CAMKMT: variants seen among roughly 807,000 people sequenced by gnomAD.
CAMKMT encodes the protein CaM KMT.
CAMKMT carries 53 observed loss-of-function variants against 48.0 expected under a neutral mutation model. The observed-to-expected ratio is 1.10, with a 90% CI of 0.89 to 1.39. CAMKMT has a LOEUF of 1.39. Ranked by LOEUF, CAMKMT falls within the 40% of genes most tolerant of loss-of-function variation. CAMKMT has a pLI of 0.00. For synonymous variants in CAMKMT, 165 were observed against 152.3 expected (o/e 1.08, Z -0.61); for missense variants, 428 against 402.7 (o/e 1.06, Z -0.54).
At chr2:44,691,596 C>T (rs549393887) in intron 3 of CAMKMT, among the ~76,000 whole-genome samples, 4 of 152,300 alleles carry the variant, frequency 2.6e-5, no homozygotes, top group African/African-American at 9.6e-5. Flanking sequence ...CTTCCACATG[C>T]TCCTTATCTG....
At chr2:44,363,713 A>G (rs1372531490) in intron 1 of CAMKMT, among the ~76,000 whole-genome samples, 1 of 138,816 alleles carries the variant, frequency 7.2e-6, no homozygotes, top group African/African-American at 2.7e-5. Context: ...TTTTCGATAC[A>G]GAGCCTTACT....
intron 3 of CAMKMT, among the ~76,000 whole-genome samples, chr2:44,476,307 G>A (rs1413532217): frequency 2.0e-5 from 3 of 151,976 alleles, no homozygotes; most frequent in Non-Finnish European, 2.9e-5. Flanking sequence ...TTTCTTAAAG[G>A]TAAAGATTAT....
At chr2:44,637,414 AT>A (rs1673194541) in intron 3 of CAMKMT, among the ~76,000 whole-genome samples, 1 of 152,070 alleles carries the variant, frequency 6.6e-6, no homozygotes, top group African/African-American at 2.4e-5. Flanking sequence ...TAGTTTTTTT[AT>A]TATCCATTTT....
At chr2:44,545,617 G>C (rs759582505) in intron 3 of CAMKMT, among the ~76,000 whole-genome samples, 29 of 150,418 alleles carry the variant, frequency 1.9e-4, no homozygotes, top group Non-Finnish European at 7.4e-5. Flanking sequence ...ACTTGTCTAT[G>C]GTCACAAGAT....
At chr2:44,406,273 T>G (rs558811508) in intron 3 of CAMKMT, among the ~76,000 whole-genome samples, 7 of 152,298 alleles carry the variant, frequency 4.6e-5, no homozygotes, top group African/African-American at 1.4e-4. Context: ...TCATTTTGCC[T>G]TAAGTCTTTT....
intron 3 of CAMKMT, among the ~76,000 whole-genome samples, chr2:44,450,212 G>T (rs1474586019): frequency 6.6e-6 from 1 of 152,114 alleles, no homozygotes; most frequent in Non-Finnish European, 1.5e-5. Flanking sequence ...GAATAATGCT[G>T]ACTTACACTG....
intron 3 of CAMKMT, among the ~76,000 whole-genome samples, chr2:44,664,982 C>T (rs1257738992): frequency 6.6e-6 from 1 of 152,124 alleles, no homozygotes; most frequent in African/African-American, 2.4e-5. Context: ...TTGCTACCCC[C>T]CAGGAATTCT....
At chr2:44,390,590 T>G (rs1681244434) in intron 3 of CAMKMT, among the ~76,000 whole-genome samples, 1 of 151,944 alleles carries the variant, frequency 6.6e-6, no homozygotes, top group Non-Finnish European at 1.5e-5. Flanking sequence ...GAAAGAACAC[T>G]GGACACTGAA....
intron 3 of CAMKMT, among the ~76,000 whole-genome samples, chr2:44,684,203 T>C (rs1178541719): frequency 3.3e-5 from 5 of 152,324 alleles, no homozygotes; most frequent in African/African-American, 1.2e-4. Flanking sequence ...CATGAGTTCA[T>C]AGAGACCGTG....
At position 44,772,170 on chromosome 2, in the gene CAMKMT, C is replaced by G; in HGVS notation, c.*57C>G. Reference sequence around the variant, plus strand: ...ATCAAGTGCATAGGGAATATTTTTACAAAAACGGAAATCTGTAAGGGGTAT... The same window carrying G: ...ATCAAGTGCATAGGGAATATTTTTAGAAAAACGGAAATCTGTAAGGGGTAT... On this transcript the variant is annotated 3_prime_UTR_variant, in exon 11 of 11. Coordinates refer to ENST00000378494, the MANE Select transcript of CAMKMT (RefSeq NM_024766.5). The G allele has an allele frequency of 6.8e-7, 1 of 1,469,944 alleles. No homozygotes were observed. The highest frequency in any genetic ancestry group is 9.5e-7 in the Non-Finnish European group (1 of 1,056,774). 91.1% of individuals were successfully genotyped at this position (1,469,944 alleles called of 1,614,324 possible). A position where few individuals can be genotyped will look rare whatever the true frequency, so the allele number is the denominator to read the frequency against.
chr2:44,375,573 T>C lies in CAMKMT; in HGVS notation c.311+2685T>C, dbSNP rs370998597. 3.7e-3 allele frequency among the ~76,000 whole-genome samples: 569 copies of C among 152,204 alleles called. 3 individuals carry two copies. The highest frequency in any genetic ancestry group is 0.013 in the African/African-American group (548 of 41,528). On this transcript the variant is annotated intron_variant, in intron 2 of 10. Coordinates refer to ENST00000378494, the MANE Select transcript of CAMKMT (RefSeq NM_024766.5). ...GAAGTTTAGAGGTAGGAGTGAGTTTTGGAAATGATTTTTAAAAAAACTGGA... is the reference window on the plus strand; with the variant it reads ...GAAGTTTAGAGGTAGGAGTGAGTTTCGGAAATGATTTTTAAAAAAACTGGA...
chr2:44,700,714 C>G (rs1338924157), intron 3 of CAMKMT, among the ~76,000 whole-genome samples: 1 of 152,064 alleles, frequency 6.6e-6, no homozygotes, highest in African/African-American at 2.4e-5. Context: ...TCACAGATCA[C>G]CATATCAGAT....
At position 44,525,745 on chromosome 2, in the gene CAMKMT, T is replaced by A. The variant is rs72881106; in HGVS notation, c.376+135440T>A. ...TGAGGCTGGAAGAGGGTAATTCATT[T>A]GTATGAGGTCAACAGCTAATAAGTA... On this transcript the variant is annotated intron_variant, in intron 3 of 10. Coordinates refer to ENST00000378494, the MANE Select transcript of CAMKMT (RefSeq NM_024766.5). 8.8e-3 allele frequency among the ~76,000 whole-genome samples: 1,335 copies of A among 152,310 alleles called. 11 individuals carry two copies. The highest frequency in any genetic ancestry group is 0.024 in the African/African-American group (1,016 of 41,570).
chr2:44,505,342 A>C (rs1032601260), intron 3 of CAMKMT, among the ~76,000 whole-genome samples: 6 of 152,020 alleles, frequency 3.9e-5, no homozygotes, highest in African/African-American at 1.4e-4. Context: ...GTCTGCAGCT[A>C]CTCTTTTCAT....
chr2:44,386,327 A>G lies in CAMKMT; in HGVS notation c.312-3914A>G, dbSNP rs1286748062. On this transcript the variant is annotated intron_variant, in intron 2 of 10. Coordinates refer to ENST00000378494, the MANE Select transcript of CAMKMT (RefSeq NM_024766.5). ...ATGTGTGTAAATATAGTAGCCTTGA[A>G]TGATCTTTTGTGTTTCAGTGGTGTC... 2.0e-5 allele frequency among the ~76,000 whole-genome samples: 3 copies of G among 151,998 alleles called. No individual in the cohort carries two copies. The East Asian group carries it at 5.8e-4, about 29-fold the overall frequency.
intron 7 of CAMKMT, among the ~76,000 whole-genome samples, chr2:44,722,951 T>A (rs1333265072): frequency 1.3e-5 from 2 of 151,932 alleles, no homozygotes; most frequent in Admixed American, 1.3e-4. Flanking sequence ...ATGAGGGGGG[T>A]CTGAATGTTA....
intron 3 of CAMKMT, among the ~76,000 whole-genome samples, chr2:44,663,200 C>G (rs1455683703): frequency 2.0e-5 from 3 of 152,156 alleles, no homozygotes; most frequent in African/African-American, 7.2e-5. Flanking sequence ...CCACTAAGGT[C>G]CTTTATAGTG....
intron 3 of CAMKMT, among the ~76,000 whole-genome samples, chr2:44,431,104 A>G (rs1684622248): frequency 6.6e-6 from 1 of 152,204 alleles, no homozygotes; most frequent in South Asian, 2.1e-4. Context: ...TATTGATTTA[A>G]ATTAGGTCAG....
At chr2:44,640,775 C>G (rs1470778084) in intron 3 of CAMKMT, among the ~76,000 whole-genome samples, 1 of 152,148 alleles carries the variant, frequency 6.6e-6, no homozygotes, top group Non-Finnish European at 1.5e-5. Context: ...GGAGAGCATG[C>G]CCTCTGTAAT....
Sources: allele counts gnomAD v4.1 joint callset (sites outside exome capture counted in the v4.1 genomes callset), GRCh38; gene constraint gnomAD v4.1.1; transcripts MANE v1.5; gene names NCBI Gene and HGNC (gene_info 2026-07-23, HGNC 2026-07-21).